The following EMCN variants were observed in gnomAD, a reference collection of about 807,000 sequenced individuals.
The protein encoded by EMCN is MUC-14.
Under a neutral mutation model 38.4 loss-of-function variants are expected in EMCN, and 37 were observed. The observed-to-expected ratio is 0.96, with a 90% CI of 0.74 to 1.27. EMCN has a LOEUF of 1.27. Ranked by LOEUF, EMCN falls within the 50% of genes most tolerant of loss-of-function variation. The pLI is 0.00. For synonymous variants in EMCN, 95 were observed against 100.8 expected, an observed-to-expected ratio of 0.94 and a Z score of 0.35; for missense variants, 318 against 302.8, an observed-to-expected ratio of 1.05 and a Z score of -0.37.
intron 10 of EMCN, among the ~76,000 whole-genome samples, chr4:100,415,107 C>T (rs1337352017): frequency 4.6e-5 from 7 of 152,020 alleles, no homozygotes; most frequent in East Asian, 1.9e-4. Flanking sequence ...ATTTTGGCCA[C>T]GCTGGTCTCA....
chr4:100,442,364 G>T (rs956270361), intron 5 of EMCN, among the ~76,000 whole-genome samples: 1 of 152,176 alleles, frequency 6.6e-6, no homozygotes, highest in Non-Finnish European at 1.5e-5. Flanking sequence ...ATGTGCCTTA[G>T]AGAGGATCTC....
intron 4 of EMCN, among the ~76,000 whole-genome samples, chr4:100,459,733 C>T (rs1200408838): frequency 1.3e-5 from 2 of 152,130 alleles, no homozygotes; most frequent in African/African-American, 2.4e-5. Context: ...TAAGTTTATC[C>T]GCGCTTTCGC....
chr4:100,445,903 TA>T (rs1457209595), intron 5 of EMCN: 3 of 212,512 alleles, frequency 1.4e-5, no homozygotes, highest in Admixed American at 6.5e-5. Flanking sequence ...ACTACGCAAA[TA>T]AATTGTTTGT....
chr4:100,419,558 T>C, intron 8 of EMCN, among the ~76,000 whole-genome samples: 1 of 152,154 alleles, frequency 6.6e-6, no homozygotes, highest in South Asian at 2.1e-4. Context: ...AATCTTCCTA[T>C]GTAAAGTAAT....
At chr4:100,445,253 A>T (rs573772243) in intron 5 of EMCN, among the ~76,000 whole-genome samples, 2 of 152,310 alleles carry the variant, frequency 1.3e-5, no homozygotes, top group South Asian at 4.1e-4. Flanking sequence ...TGTCACCAAC[A>T]TGGATCTATT....
intron 1 of EMCN, among the ~76,000 whole-genome samples, chr4:100,482,382 T>C (rs1320916405): frequency 1.3e-5 from 2 of 151,996 alleles, no homozygotes; most frequent in East Asian, 3.8e-4. Context: ...AGTTAAAAAT[T>C]TGAAAGCTGC....
chr4:100,452,899 A>G (rs1578203491), intron 4 of EMCN, among the ~76,000 whole-genome samples: 1 of 152,142 alleles, frequency 6.6e-6, no homozygotes, highest in East Asian at 1.9e-4. Context: ...CTGATCTTTG[A>G]CAAACCTGAC....
At chr4:100,455,955 T>C (rs920539420) in intron 4 of EMCN, among the ~76,000 whole-genome samples, 9 of 152,130 alleles carry the variant, frequency 5.9e-5, no homozygotes, top group African/African-American at 2.2e-4. Context: ...CCACTATGCC[T>C]GTCTAATTTT....
intron 5 of EMCN, among the ~76,000 whole-genome samples, chr4:100,425,130 G>T (rs996070762): frequency 1.2e-4 from 16 of 135,858 alleles, no homozygotes; most frequent in Admixed American, 6.0e-4. Flanking sequence ...CTTCAGTTAA[G>T]AAATTATTTC....
In EMCN at chr4:100,410,282, G is replaced by A. The variant is rs572396865; in HGVS notation, c.*39C>T. The A allele has an allele frequency of 1.5e-5, 24 of 1,596,332 alleles. 1 individual carries two copies. The highest frequency in any genetic ancestry group is 4.4e-5 in the South Asian group (4 of 90,662). ...CCGTGAATGAAATTGGGAAACTTACGTAATTATTGCCTAGGTGTGGAGAGA... is the reference window on the plus strand; with the variant it reads ...CCGTGAATGAAATTGGGAAACTTACATAATTATTGCCTAGGTGTGGAGAGA... On this transcript the variant is annotated splice_region_variant and 3_prime_UTR_variant, in exon 11 of 12. Coordinates refer to ENST00000296420, the MANE Select transcript of EMCN (RefSeq NM_016242.4).
rs71594584 is a variant in EMCN at position 100,396,540 on chromosome 4, C to CTTTTTTTTTTTTTTTTTTTTTTTTTCT, written c.*1872_*1873insAGAAAAAAAAAAAAAAAAAAAAAAAAA. ...GGACTTTCTTTCTTTCTTTTTTTTC[C>CTTTTTTTTTTTTTTTTTTTTTTTTTCT]TTTTTTTTTTTTTTTTTTTTGAGAC... On this transcript the variant is annotated 3_prime_UTR_variant, in exon 12 of 12. Transcript: ENST00000296420. 1.0e-5 allele frequency: 1 copy of CTTTTTTTTTTTTTTTTTTTTTTTTTCT among 99,616 alleles called. No individual in the cohort carries two copies. The highest frequency in any genetic ancestry group is 1.8e-5 in the Non-Finnish European group (1 of 54,534). 6.2% of individuals were successfully genotyped at this position (99,616 alleles called of 1,614,324 possible). A position where few individuals can be genotyped will look rare whatever the true frequency, so the allele number is the denominator to read the frequency against.
chr4:100,404,280 A>C (rs764172200), intron 11 of EMCN, among the ~76,000 whole-genome samples: 1 of 152,126 alleles, frequency 6.6e-6, no homozygotes, highest in Non-Finnish European at 1.5e-5. Flanking sequence ...ATGGCTAGCC[A>C]TTTATCCCAG....
intron 4 of EMCN, among the ~76,000 whole-genome samples, chr4:100,460,561 G>C (rs1728151424): frequency 6.6e-6 from 1 of 152,128 alleles, no homozygotes; most frequent in Non-Finnish European, 1.5e-5. Context: ...CAAGGTAACT[G>C]CCTTTTATAA....
chr4:100,499,966 T>C (rs908650753), intron 1 of EMCN, among the ~76,000 whole-genome samples: 5 of 152,228 alleles, frequency 3.3e-5, no homozygotes, highest in South Asian at 2.1e-4. Flanking sequence ...TTGAGAGCAA[T>C]TGATAATAGC....
At chr4:100,482,236 C>T (rs1728827308) in intron 1 of EMCN, among the ~76,000 whole-genome samples, 1 of 151,818 alleles carries the variant, frequency 6.6e-6, no homozygotes. Flanking sequence ...AGAAAAGAAA[C>T]AATATGAGAG....
chr4:100,480,600 A>G (rs1261435063), intron 1 of EMCN, among the ~76,000 whole-genome samples: 1 of 151,778 alleles, frequency 6.6e-6, no homozygotes. Context: ...ATATACACAC[A>G]AAGATAAGTT....
chr4:100,422,797 TTTTC>T (rs980899816), intron 7 of EMCN, among the ~76,000 whole-genome samples: 34 of 140,648 alleles, frequency 2.4e-4, no homozygotes, highest in South Asian at 1.6e-3. Flanking sequence ...TCCTCTTCTG[TTTTC>T]TTTCTTTCTT....
chr4:100,412,366 T>C (rs548946285), intron 10 of EMCN, among the ~76,000 whole-genome samples: 1 of 152,294 alleles, frequency 6.6e-6, no homozygotes, highest in Non-Finnish European at 1.5e-5. Flanking sequence ...TGAATTCAGA[T>C]CTGATTTTTC....
chr4:100,476,790 A>G (rs1330213163), intron 2 of EMCN, among the ~76,000 whole-genome samples: 1 of 152,214 alleles, frequency 6.6e-6, no homozygotes. Flanking sequence ...GCCACTTCAA[A>G]ATTCTATGAA....
Sources: allele counts gnomAD v4.1 joint callset (sites outside exome capture counted in the v4.1 genomes callset), GRCh38; gene constraint gnomAD v4.1.1; transcripts MANE v1.5; gene names NCBI Gene and HGNC (gene_info 2026-07-23, HGNC 2026-07-21).